Variants in MED1 observed in about 807,000 individuals in gnomAD.
The protein encoded by MED1 is mediator complex subunit 1.
In MED1, 17 loss-of-function variants were observed where a neutral mutation model predicts 121.3. That is an observed-to-expected ratio of 0.14 (90% CI 0.10 to 0.21). The LOEUF (loss-of-function observed/expected upper bound fraction) is 0.21. Ranked by LOEUF, MED1 falls within the 10% of genes least tolerant of loss-of-function variation. The pLI, the probability that MED1 is intolerant of heterozygous loss-of-function variation, is 1.00. For synonymous variants in MED1, 661 were observed against 694.4 expected, an observed-to-expected ratio of 0.95 and a Z score of 0.76; for missense variants, 1,558 against 1,919.4, an observed-to-expected ratio of 0.81 and a Z score of 3.52.
chr17:39,432,315 C>T (rs1305611037), intron 7 of MED1, among the ~76,000 whole-genome samples: 3 of 123,018 alleles, frequency 2.4e-5, no homozygotes, highest in South Asian at 2.7e-4. Flanking sequence ...TGCACTCCAG[C>T]CTGGGTGACA....
At chr17:39,428,951 C>CA (rs1055057153) in intron 9 of MED1, among the ~76,000 whole-genome samples, 55 of 136,106 alleles carry the variant, frequency 4.0e-4, no homozygotes, top group Middle Eastern at 3.7e-3. Flanking sequence ...GACTCCATCT[C>CA]AAAAAAAAAA....
chr17:39,443,731 T>C (rs747141918), intron 2 of MED1, 103 bp from the exon 3 acceptor site: 9 of 872,134 alleles, frequency 1.0e-5, no homozygotes, highest in African/African-American at 1.7e-5. Context: ...GGACAGTCTA[T>C]AGACTCAATA....
chr17:39,415,022 C>T lies in MED1; in HGVS notation c.1499+4G>A, dbSNP rs1331055980. 2 of 1,612,836 alleles carry T rather than the reference C, an allele frequency of 1.2e-6. No homozygotes were observed. The highest frequency in any genetic ancestry group is 2.7e-5 in the African/African-American group (2 of 74,874). ...GGACTCAGATGAAAAAGGGCCAAGG[C>T]TACCTTTGAACAACTTTGGCAATGA... is the stretch of plus-strand genomic sequence containing the variant. On this transcript the variant is annotated splice_donor_region_variant and intron_variant, in intron 16 of 16. Coordinates refer to ENST00000300651, the MANE Select transcript of MED1 (RefSeq NM_004774.4).
Position 39,410,568 on chromosome 17 carries a change from G to C in MED1, c.1653C>G (p.Thr551=). ...TACCACTCATTGGGTTGTTGCCTGT[G>C]GTCATGCCATACCCTGGGCTGCTAG... The part of the protein sequence containing the change: ...PPASSPGYGM[T]TGNNPMSGTT... Residue 551 remains threonine (T), a synonymous_variant, in exon 17 of 17, where the codon ACC becomes ACG. Transcript: ENST00000300651. 6.2e-7 allele frequency: 1 copy of C among 1,614,060 alleles called. No homozygotes were observed. The highest frequency in any genetic ancestry group is 8.5e-7 in the Non-Finnish European group (1 of 1,180,010).
intron 7 of MED1, 23 bp from the exon 8 acceptor site, chr17:39,432,039 A>G (rs754441005): frequency 2.6e-6 from 4 of 1,551,984 alleles, no homozygotes; most frequent in Non-Finnish European, 3.6e-6. Context: ...TGAGAAGAAC[A>G]TGAGTTAATA....
rs1027362341 is a variant in MED1 at position 39,440,927 on chromosome 17, G to A, written c.212-250C>T. ...CCTGTTTTCATTACTCCTTATGTGG[G>A]ACAAACTGCCTTTAACTTAAGACAC... On this transcript the variant is annotated intron_variant, in intron 3 of 16. Transcript: ENST00000300651. This position sits in a 1 kb window ranked among gnomAD's most constrained non-coding sequence, Gnocchi z 4.1. Among the ~76,000 whole-genome samples the A allele has an allele frequency of 6.6e-6, 1 of 151,876 alleles. No individual in the cohort carries two copies. The highest frequency in any genetic ancestry group is 1.5e-5 in the Non-Finnish European group (1 of 67,998).
chr17:39,445,500 C>A (rs967614227), intron 2 of MED1: 2 of 151,968 alleles, frequency 1.3e-5, no homozygotes, highest in African/African-American at 2.4e-5. Context: ...ATGTGAACCA[C>A]CACGCCCAGC....
chr17:39,420,158 CTG>C (rs2048447141), intron 13 of MED1, among the ~76,000 whole-genome samples: 1 of 150,698 alleles, frequency 6.6e-6, no homozygotes, highest in African/African-American at 2.4e-5. Context: ...CCTCAGAAAT[CTG>C]TATTAAAGAG....
In MED1 at chr17:39,451,106, C is replaced by A; in HGVS notation, c.-44G>T. On this transcript the variant is annotated 5_prime_UTR_variant, in exon 1 of 17. Coordinates refer to ENST00000300651, the MANE Select transcript of MED1 (RefSeq NM_004774.4). ...CTAGATCCGCCACAAAAGGATAAGC[C>A]CTTCCCCACCACTAACGGAGGAAAC... The A allele has an allele frequency of 6.2e-7, 1 of 1,604,036 alleles. No homozygotes were observed.
At chr17:39,420,908 G>A (rs1015854207) in intron 13 of MED1, among the ~76,000 whole-genome samples, 1 of 146,738 alleles carries the variant, frequency 6.8e-6, no homozygotes, top group Non-Finnish European at 1.5e-5. Flanking sequence ...CCATTCTCCT[G>A]CCTCAGCCTC....
intron 13 of MED1, among the ~76,000 whole-genome samples, chr17:39,422,920 C>A (rs2048481246): frequency 7.2e-6 from 1 of 138,978 alleles, no homozygotes; most frequent in Admixed American, 7.9e-5. Flanking sequence ...GGCTGGAGCA[C>A]AATGGCACAA....
chr17:39,421,273 C>T (rs1385619643), intron 13 of MED1, among the ~76,000 whole-genome samples: 3 of 138,858 alleles, frequency 2.2e-5, no homozygotes, highest in Non-Finnish European at 4.6e-5. Context: ...AAGAAAAGGA[C>T]AGGCAAGGTG....
intron 7 of MED1, among the ~76,000 whole-genome samples, chr17:39,433,746 A>T (rs1483289977): frequency 6.6e-6 from 1 of 151,922 alleles, no homozygotes; most frequent in African/African-American, 2.4e-5. Context: ...TCTGCTAGAG[A>T]CAGGGTCTCA....
At chr17:39,428,499 A>G (rs2048535560) in intron 9 of MED1, among the ~76,000 whole-genome samples, 2 of 151,738 alleles carry the variant, frequency 1.3e-5, no homozygotes, top group Admixed American at 6.6e-5. Flanking sequence ...TAATAATAAT[A>G]ATAATTAGCC....
chr17:39,419,986 G>GA, intron 13 of MED1, 68 bp from the exon 14 acceptor site: 2 of 1,412,798 alleles, frequency 1.4e-6, no homozygotes, highest in Admixed American at 2.0e-5. Flanking sequence ...AAAGTATCCT[G>GA]AAAAAACCTA....
Position 39,407,943 on chromosome 17 carries a change from A to C in MED1, c.4278T>G (p.Ala1426=). Residue 1426 remains alanine, a synonymous_variant, in exon 17 of 17, where the codon GCT becomes GCG. Transcript: ENST00000300651. The part of the protein sequence containing the change: ...SSGEGLRPQM[A]SSKNYGSPLI... ...GTGGAGAGCCATAGTTTTTAGAAGAAGCCATTTGAGGCCTAAGCCCTTCTC... is the reference window on the plus strand; with the variant it reads ...GTGGAGAGCCATAGTTTTTAGAAGACGCCATTTGAGGCCTAAGCCCTTCTC... 1.2e-6 allele frequency: 2 copies of C among 1,614,088 alleles called. No individual in the cohort carries two copies. The highest frequency in any genetic ancestry group is 1.7e-6 in the Non-Finnish European group (2 of 1,180,024).
intron 9 of MED1, among the ~76,000 whole-genome samples, chr17:39,428,619 G>A (rs1239487830): frequency 6.6e-6 from 1 of 152,066 alleles, no homozygotes; most frequent in African/African-American, 2.4e-5. Flanking sequence ...GGAAGGCAGA[G>A]CAAGACCCCG....
intron 2 of MED1, among the ~76,000 whole-genome samples, chr17:39,446,125 A>G (rs1024286255): frequency 6.6e-6 from 1 of 151,826 alleles, no homozygotes; most frequent in Non-Finnish European, 1.5e-5. Flanking sequence ...ACTTGAGCCC[A>G]CAAGTTTGAG....
Position 39,407,960 on chromosome 17 carries a change from GCCCTTCTCCACTA to G in MED1, c.4248_4260del (p.Ser1417LeufsTer51). Reference sequence around the variant, plus strand: ...TTAGAAGAAGCCATTTGAGGCCTAAGCCCTTCTCCACTACTTTCCCCAGGTTTCTGCAAAGTCA... The same window carrying G: ...TTAGAAGAAGCCATTTGAGGCCTAAGCTTTCCCCAGGTTTCTGCAAAGTCA... On this transcript the variant is annotated frameshift_variant, in exon 17 of 17. Transcript: ENST00000300651. LOFTEE classifies it high-confidence loss of function. The G allele has an allele frequency of 6.2e-7, 1 of 1,614,088 alleles. No homozygotes were observed. Among genetic ancestry groups the G allele is most frequent in the Non-Finnish European group, 8.5e-7 (1 of 1,180,012 alleles).
Sources: gnomAD v4.1 joint callset for allele counts (sites outside exome capture counted in the v4.1 genomes callset) on GRCh38, gnomAD v4.1.1 for gene constraint, Gnocchi (gnomAD v3.1) non-coding constraint, MANE v1.5 for transcripts, NCBI Gene and HGNC (gene_info 2026-07-23, HGNC 2026-07-21) for gene names.